The following SRPRB variants were observed in gnomAD, a reference collection of about 807,000 sequenced individuals.
SRPRB encodes the protein signal recognition particle receptor subunit beta.
SRPRB carries 20 observed loss-of-function variants against 31.9 expected under a neutral mutation model. The ratio of observed to expected loss-of-function variants is 0.63; its 90% CI spans 0.44 to 0.91. SRPRB has a LOEUF of 0.91. SRPRB is among the 40% of genes least tolerant of loss of function. The pLI, the probability that SRPRB is intolerant of heterozygous loss-of-function variation, is 0.00. For missense variants in SRPRB, 321 were observed against 324.9 expected (o/e 0.99, Z 0.09); for synonymous variants, 146 against 132.8 (o/e 1.10, Z -0.68).
At chr3:133,824,876 T>C (rs1207383782), downstream of SRPRB, 1 of 152,116 alleles carries the variant, frequency 6.6e-6, no homozygotes, top group Non-Finnish European at 1.5e-5. Flanking sequence ...AGGGCAGCAA[T>C]GGATGAAAAA....
chr3:133,795,615 AC>A (rs1308122716), intron 1 of SRPRB: 1 of 122,300 alleles, frequency 8.2e-6, no homozygotes, highest in Non-Finnish European at 1.6e-5. Flanking sequence ...TCACTCTGTC[AC>A]CCGGGCTGGA....
At chr3:133,805,377 C>T (rs77809947), upstream of SRPRB, among the ~76,000 whole-genome samples, 575 of 152,330 alleles carry the variant, frequency 3.8e-3, 4 homozygotes, top group African/African-American at 0.013. Context: ...TCTCTGAACT[C>T]ATGATGGACT....
downstream of SRPRB, chr3:133,827,527 G>T (rs991242749): frequency 3.2e-5 from 7 of 216,802 alleles, no homozygotes; most frequent in Non-Finnish European, 6.4e-5. Context: ...GCTCTCTGGG[G>T]GCAAGCAGCC....
rs992892261 is a variant in SRPRB, at chr3:133,811,193, C to T, written c.404C>T (p.Ser135Leu). ...RLQFLERFKS[S>L]ARAIVFVVDS... Reference sequence around the variant, plus strand: ...CAGTTCTTAGAGCGGTTTAAGTCTTCAGCCAGGTAAGAAGGAAAGAAGTGA... The same window carrying T: ...CAGTTCTTAGAGCGGTTTAAGTCTTTAGCCAGGTAAGAAGGAAAGAAGTGA... Residue 135 changes from serine to leucine, a missense_variant, in exon 4 of 7, where the codon TCA becomes TTA. By Grantham distance (145) the Ser-to-Leu change is moderately radical. Transcript: ENST00000678299. 6.2e-7 allele frequency: 1 copy of T among 1,614,020 alleles called. No homozygotes were observed. The highest frequency in any genetic ancestry group is 1.3e-5 in the African/African-American group (1 of 74,922).
intron 5 of SRPRB, 118 bp downstream of exon 5, chr3:133,815,844 A>T (rs1432647690): frequency 8.1e-7 from 1 of 1,234,586 alleles, no homozygotes; most frequent in African/African-American, 1.5e-5. Flanking sequence ...GCTGTAAAGA[A>T]CTATAAATTG....
rs1935462137 is a variant in SRPRB, at chr3:133,820,977, G to A, written c.*1211G>A. Reference sequence around the variant, plus strand: ...GGGGAGAAGCCAGTTATGGAACAGTGCATTGAGAGCCATGGTAGGAGAGGC... The same window carrying A: ...GGGGAGAAGCCAGTTATGGAACAGTACATTGAGAGCCATGGTAGGAGAGGC... On this transcript the variant is annotated 3_prime_UTR_variant, in exon 7 of 7. Transcript: ENST00000678299. 6.6e-6 allele frequency: 1 copy of A among 152,318 alleles called. No individual in the cohort carries two copies. The highest frequency in any genetic ancestry group is 2.4e-5 in the African/African-American group (1 of 41,452). 9.4% of individuals were successfully genotyped at this position (152,318 alleles called of 1,614,324 possible). A position where few individuals can be genotyped will look rare whatever the true frequency, so the allele number is the denominator to read the frequency against.
intron 1 of SRPRB, chr3:133,788,806 C>T (rs1934757112): frequency 6.6e-6 from 1 of 152,268 alleles, no homozygotes; most frequent in Non-Finnish European, 1.5e-5. Context: ...AAACTTGCAG[C>T]TCAGGGTGAA....
In SRPRB at chr3:133,819,624, T is replaced by G. The variant is rs1935432485; in HGVS notation, c.674T>G (p.Leu225Arg). The change falls in exon 7 of 7, where the codon CTG (leucine) becomes CGG (arginine). Residue 225 changes from leucine (L) to arginine (R), a missense_variant. Leu to Arg is a moderately radical substitution (Grantham distance 102). Transcript: ENST00000678299. ...AGTTCCAGCACTGCCCCTGCTCAGC[T>G]GGGGAAGAAAGGCAAAGAGTTTGAA... is the stretch of plus-strand genomic sequence containing the variant. ...LDSSSTAPAQLGKKGKEFEFS... is the reference protein window; with the variant it reads ...LDSSSTAPAQRGKKGKEFEFS... The G allele has an allele frequency of 6.2e-7, 1 of 1,614,192 alleles. No individual in the cohort carries two copies. The highest frequency in any genetic ancestry group is 8.5e-7 in the Non-Finnish European group (1 of 1,180,028).
downstream of SRPRB, chr3:133,824,876 T>G (rs1207383782): frequency 6.6e-6 from 1 of 152,116 alleles, no homozygotes; most frequent in Admixed American, 6.5e-5. Context: ...AGGGCAGCAA[T>G]GGATGAAAAA....
chr3:133,806,753 G>A (rs1935169134), intron 2 of SRPRB, 50 bp downstream of exon 2: 1 of 1,381,996 alleles, frequency 7.2e-7, no homozygotes, highest in Non-Finnish European at 1.0e-6. Flanking sequence ...AAATTTTATA[G>A]ATCCCAGTAT....
chr3:133,806,249 C>G (rs557777906), intron 1 of SRPRB, among the ~76,000 whole-genome samples: 1 of 152,228 alleles, frequency 6.6e-6, no homozygotes, highest in African/African-American at 2.4e-5. Context: ...TCTTCGTCAT[C>G]TGCCCTGTTA....
intron 6 of SRPRB, among the ~76,000 whole-genome samples, chr3:133,818,555 T>C (rs1935406300): frequency 6.6e-6 from 1 of 151,250 alleles, no homozygotes; most frequent in Admixed American, 6.6e-5. Context: ...TTACATGGCC[T>C]TGTGGCAAAA....
rs746935235 is a variant in SRPRB at position 133,819,748 on chromosome 3, G to A, written c.798G>A (p.Trp266Ter). The A allele has an allele frequency of 1.9e-6, 3 of 1,614,110 alleles. No individual in the cohort carries two copies. Among genetic ancestry groups the A allele is most frequent in the Non-Finnish European group, 2.5e-6 (3 of 1,180,016 alleles). ...GSADIQDLEK[W>*]LAKIA ...CTGACATCCAGGACTTGGAGAAATGGCTGGCTAAAATTGCCTGAGAGGCAG... is the reference window on the plus strand; with the variant it reads ...CTGACATCCAGGACTTGGAGAAATGACTGGCTAAAATTGCCTGAGAGGCAG... The change falls in exon 7 of 7, where the codon TGG (tryptophan) becomes TGA (stop). Residue 266 changes from tryptophan (W) to a stop codon, truncating the protein, a stop_gained. Transcript: ENST00000678299. LOFTEE classifies it high-confidence loss of function.
intron 4 of SRPRB, among the ~76,000 whole-genome samples, 180 bp downstream of exon 4, chr3:133,811,379 T>C (rs1935259175): frequency 6.6e-6 from 1 of 152,146 alleles, no homozygotes; most frequent in Admixed American, 6.5e-5. Context: ...ATGATGAGGA[T>C]TTTATGGGAT....
At chr3:133,797,854 T>C (rs930650428) in intron 1 of SRPRB, among the ~76,000 whole-genome samples, 3 of 152,196 alleles carry the variant, frequency 2.0e-5, no homozygotes, top group African/African-American at 4.8e-5. Flanking sequence ...AGACCTGCCT[T>C]CTGGGAGTAA....
downstream of SRPRB, chr3:133,824,944 T>G (rs969252827): frequency 6.6e-6 from 1 of 152,158 alleles, no homozygotes; most frequent in Non-Finnish European, 1.5e-5. Context: ...AATAAGCAAG[T>G]TGCCCTTCTC....
downstream of SRPRB, chr3:133,827,765 T>A: frequency 2.7e-5 from 2 of 73,632 alleles, no homozygotes; most frequent in East Asian, 6.6e-4. Flanking sequence ...CCCCCCCGCC[T>A]CCCCATCACA....
chr3:133,818,110 G>T (rs1274159945), intron 6 of SRPRB, among the ~76,000 whole-genome samples: 3 of 152,144 alleles, frequency 2.0e-5, no homozygotes, highest in African/African-American at 7.2e-5. Flanking sequence ...CTCTTGGATT[G>T]TATCTGTTGC....
At chr3:133,827,956 G>GC, downstream of SRPRB, 1 of 702,914 alleles carries the variant, frequency 1.4e-6, no homozygotes, top group Non-Finnish European at 2.6e-6. Flanking sequence ...TATAAACCAC[G>GC]CACCACGCAG....
Sources: allele counts gnomAD v4.1 joint callset (sites outside exome capture counted in the v4.1 genomes callset), GRCh38; gene constraint gnomAD v4.1.1; transcripts MANE v1.5; gene names NCBI Gene and HGNC (gene_info 2026-07-23, HGNC 2026-07-21).